The following HMCN1 variants were observed in gnomAD, a reference collection of about 807,000 sequenced individuals.
HMCN1 encodes the protein hemicentin-1.
Under a neutral mutation model 625.9 loss-of-function variants are expected in HMCN1, and 321 were observed. The observed-to-expected ratio is 0.51, with a 90% confidence interval of 0.47 to 0.56. HMCN1 has a LOEUF of 0.56. Among genes scored for constraint, HMCN1 ranks in the 20% least tolerant of loss-of-function variants. HMCN1 has a pLI of 0.00. For synonymous variants in HMCN1, 2,425 were observed against 2,417.6 expected, an observed-to-expected ratio of 1.00 and a Z score of -0.09; for missense variants, 6,588 against 6,887.3, an observed-to-expected ratio of 0.96 and a Z score of 1.54.
chr1:186,125,232 G>A (rs899281878), intron 81 of HMCN1, among the ~76,000 whole-genome samples: 1 of 151,926 alleles, frequency 6.6e-6, no homozygotes, highest in African/African-American at 2.4e-5. Flanking sequence ...CAGCAGTTAC[G>A]CAACCATAGA....
chr1:185,887,008 G>C (rs1664699315), intron 4 of HMCN1, among the ~76,000 whole-genome samples: 1 of 151,974 alleles, frequency 6.6e-6, no homozygotes, highest in Non-Finnish European at 1.5e-5. Flanking sequence ...ACACATGCTG[G>C]GTACTTTGCT....
intron 24 of HMCN1, among the ~76,000 whole-genome samples, chr1:185,996,330 G>A (rs913459400): frequency 4.6e-5 from 7 of 152,056 alleles, no homozygotes; most frequent in African/African-American, 1.7e-4. Context: ...ATGAAGAGAA[G>A]AGCATGTAAT....
rs763388392 is a variant in HMCN1, at chr1:186,087,520, G to T, written c.9238G>T (p.Glu3080Ter). The T allele has an allele frequency of 6.2e-7, 1 of 1,613,358 alleles. No homozygotes were observed. The highest frequency in any genetic ancestry group is 8.5e-7 in the Non-Finnish European group (1 of 1,179,540). ...NVREGTSVSL[E>*]CESNAVPPPV... ...AAGAGAGGGAACTTCTGTGTCTTTG[G>T]AGTGTGAGTCGAACGCTGTGCCACC... Residue 3080 changes from glutamate (E) to a stop codon, truncating the protein, a stop_gained, in exon 60 of 107, where the codon GAG becomes TAG. Coordinates refer to ENST00000271588, the MANE Select transcript of HMCN1 (RefSeq NM_031935.3). LOFTEE classifies it high-confidence loss of function.
chr1:185,948,504 C>A (rs985762512), intron 11 of HMCN1, among the ~76,000 whole-genome samples: 1 of 150,718 alleles, frequency 6.6e-6, no homozygotes, highest in Admixed American at 6.6e-5. Context: ...AGTGGGGGTG[C>A]TTTTTGAGCC....
chr1:185,754,566 C>T (rs1195747839), intron 1 of HMCN1, among the ~76,000 whole-genome samples: 5 of 151,700 alleles, frequency 3.3e-5, no homozygotes, highest in Non-Finnish European at 7.4e-5. Context: ...ACTTGTTGGA[C>T]GTATAATTCT....
Position 186,093,167 on chromosome 1 carries a change from T to C in HMCN1, c.9921T>C (p.Tyr3307=). The change falls in exon 65 of 107, where the codon TAT becomes TAC. Residue 3307 remains tyrosine (Y), a synonymous_variant. Transcript: ENST00000271588. ...CAAATGGCAGCACATTAAACATTTA[T>C]GGAGCTCTTACATCTGACACGGGGA... ...VSANGSTLNI[Y]GALTSDTGKY... The C allele has an allele frequency of 6.2e-7, 1 of 1,613,410 alleles. No individual in the cohort carries two copies.
At chr1:185,805,441 T>C (rs186364987) in intron 1 of HMCN1, among the ~76,000 whole-genome samples, 5 of 152,146 alleles carry the variant, frequency 3.3e-5, no homozygotes, top group African/African-American at 1.2e-4. Flanking sequence ...AACATTTAGG[T>C]AGAGATGACA....
chr1:186,167,334 A>G (rs906540643), intron 100 of HMCN1, among the ~76,000 whole-genome samples: 3 of 152,168 alleles, frequency 2.0e-5, no homozygotes, highest in African/African-American at 7.2e-5. Flanking sequence ...TTAATAGGCT[A>G]TTTTTTAGAA....
intron 1 of HMCN1, among the ~76,000 whole-genome samples, chr1:185,753,793 T>C (rs1452529393): frequency 6.6e-6 from 1 of 152,202 alleles, no homozygotes; most frequent in Non-Finnish European, 1.5e-5. Flanking sequence ...AAGGATGTGG[T>C]GGATAGGGAA....
At chr1:185,848,283 T>C (rs1010430065) in intron 2 of HMCN1, among the ~76,000 whole-genome samples, 2 of 152,082 alleles carry the variant, frequency 1.3e-5, no homozygotes, top group Non-Finnish European at 2.9e-5. Flanking sequence ...TTTTGCTAAA[T>C]GCAATGGAAA....
chr1:185,814,057 C>T (rs1218803724), intron 1 of HMCN1, among the ~76,000 whole-genome samples: 2 of 152,072 alleles, frequency 1.3e-5, no homozygotes, highest in East Asian at 3.8e-4. Flanking sequence ...TGCATATTTC[C>T]TCTGAGTGAT....
Position 186,144,545 on chromosome 1 carries a change from G to T in HMCN1, c.14108G>T (p.Trp4703Leu). ...NERNCPIHGK[W>L]ATWASWSACS... The stretch of plus-strand genomic sequence containing the variant: ...TCCCTTATTCCAGTTCATGGCAAGT[G>T]GGCGACTTGGGCCAGTTGGAGTGCC... The change falls in exon 91 of 107, where the codon TGG becomes TTG. Residue 4703 changes from tryptophan to leucine, a missense_variant. Trp to Leu is a moderately conservative substitution (Grantham distance 61). Around this residue, in one of 3 missense-constraint regions of HMCN1, gnomAD observed 1,954 missense variants for 2,013.1 expected, o/e 0.97. Transcript: ENST00000271588. 6.2e-7 allele frequency: 1 copy of T among 1,614,084 alleles called. No individual in the cohort carries two copies. Among genetic ancestry groups the T allele is most frequent in the Non-Finnish European group, 8.5e-7 (1 of 1,179,998 alleles).
Position 186,117,575 on chromosome 1 carries a change from G to A in HMCN1, c.11800G>A (p.Gly3934Ser), listed in dbSNP as rs771776707. The A allele has an allele frequency of 6.2e-7, 1 of 1,613,860 alleles. No individual in the cohort carries two copies. Among genetic ancestry groups the A allele is most frequent in the Non-Finnish European group, 8.5e-7 (1 of 1,179,852 alleles). Residue 3934 changes from glycine (G) to serine (S), a missense_variant, in exon 77 of 107, where the codon GGT (glycine) becomes AGT (serine). By Grantham distance (56) the Gly-to-Ser change is moderately conservative. This residue lies in a region of HMCN1 where 4,628 missense variants were observed against 4,853.1 expected (regional missense o/e 0.95). Transcript: ENST00000271588. ...PFPSIHWTKN[G>S]IRLLPRGDGY... ...TCCCTCAATTCACTGGACCAAAAATGGTATAAGACTGCTTCCCAGGGGAGA... is the reference window on the plus strand; with the variant it reads ...TCCCTCAATTCACTGGACCAAAAATAGTATAAGACTGCTTCCCAGGGGAGA...
chr1:185,994,887 A>G lies in HMCN1; in HGVS notation c.3578A>G (p.Asn1193Ser). 1.5e-5 allele frequency: 25 copies of G among 1,613,822 alleles called. No individual in the cohort carries two copies. Among genetic ancestry groups the G allele is most frequent in the East Asian group, 2.2e-5 (1 of 44,868 alleles). The part of the protein sequence containing the change: ...QVGQRVDIPC[N>S]AQGTPLPVIT... ...GGTCAAAGAGTGGATATTCCATGTA[A>G]TGCTCAAGGGACTCCTCTTCCTGTA... The change falls in exon 24 of 107, where the codon AAT (asparagine) becomes AGT (serine). Residue 1193 changes from asparagine (N) to serine (S), a missense_variant. By Grantham distance (46) the Asn-to-Ser change is conservative (BLOSUM62 1). Coordinates refer to ENST00000271588, the MANE Select transcript of HMCN1 (RefSeq NM_031935.3).
chr1:185,923,764 C>A, intron 8 of HMCN1, 111 bp downstream of exon 8: 2 of 880,534 alleles, frequency 2.3e-6, no homozygotes, highest in South Asian at 1.5e-5. Context: ...CATATTATTA[C>A]TGCATCACCA....
In HMCN1 at chr1:186,062,530, G is replaced by C; in HGVS notation, c.7443G>C (p.Val2481=). 2 of 1,608,984 alleles carry C rather than the reference G, an allele frequency of 1.2e-6. No individual in the cohort carries two copies. The highest frequency in any genetic ancestry group is 1.7e-6 in the Non-Finnish European group (2 of 1,175,640). The change falls in exon 48 of 107, where the codon GTG becomes GTC. Residue 2481 remains valine (V), a synonymous_variant. Coordinates refer to ENST00000271588, the MANE Select transcript of HMCN1 (RefSeq NM_031935.3). The part of the protein sequence containing the change: ...GLSVLVPPHI[V]GENTLEDVKV... ...GTTTTTTAGTACCACCTCATATTGT[G>C]GGTGAAAATACATTGGAAGATGTGA...
At position 185,994,993 on chromosome 1, in the gene HMCN1, C is replaced by G. The variant is rs566865273; in HGVS notation, c.3684C>G (p.Ile1228Met). 9 of 1,613,808 alleles carry G rather than the reference C, an allele frequency of 5.6e-6. 1 individual carries two copies. The East Asian group carries it at 2.0e-4, about 36-fold the overall frequency. ...GCAATCCAGACGGAACTTTAAGCAT[C>G]GACCAAGCCACGCCCTCAGATGCTG... is the stretch of plus-strand genomic sequence containing the variant. ...HVSNPDGTLS[I>M]DQATPSDAGI... The change falls in exon 24 of 107, where the codon ATC becomes ATG. Residue 1228 changes from isoleucine (I) to methionine (M), a missense_variant. Coordinates refer to ENST00000271588, the MANE Select transcript of HMCN1 (RefSeq NM_031935.3).
chr1:185,988,514 A>C (rs1652159139), intron 20 of HMCN1, among the ~76,000 whole-genome samples: 1 of 152,266 alleles, frequency 6.6e-6, no homozygotes, highest in Admixed American at 6.5e-5. Context: ...TAAATTAAAA[A>C]GTTAGCTTTT....
At chr1:186,014,672 C>T (rs550307215) in intron 30 of HMCN1, among the ~76,000 whole-genome samples, 1 of 151,724 alleles carries the variant, frequency 6.6e-6, no homozygotes, top group Non-Finnish European at 1.5e-5. Flanking sequence ...CCACCTCCCC[C>T]CCAAAAAAAG....
Sources: gnomAD v4.1 joint callset for allele counts (sites outside exome capture counted in the v4.1 genomes callset) on GRCh38, gnomAD v4.1.1 for gene constraint, gnomAD v4.1.1 regional missense constraint, MANE v1.5 for transcripts, NCBI Gene and HGNC (gene_info 2026-07-23, HGNC 2026-07-21) for gene names.